The following GTSE1 variants were observed in gnomAD, a reference collection of about 807,000 sequenced individuals.
GTSE1 encodes the protein G2 and S phase-expressed protein 1.
A neutral mutation model predicts 60.5 loss-of-function variants in GTSE1; 52 were observed. The ratio of observed to expected loss-of-function variants is 0.86; its 90% CI spans 0.69 to 1.08. The LOEUF is 1.08. GTSE1 is among the 50% of genes least tolerant of loss of function. The probability of loss-of-function intolerance (pLI) is 0.00; values close to 1 mark genes in which losing one functional copy is unlikely to be tolerated. For missense variants in GTSE1, 937 were observed against 961.8 expected, an observed-to-expected ratio of 0.97 and a Z score of 0.34; for synonymous variants, 368 against 386.5, an observed-to-expected ratio of 0.95 and a Z score of 0.56.
rs773053704 is a variant in GTSE1, at chr22:46,320,684, G to A, written c.1433-2506G>A. ...TTTGTAAAACAGTCCAGTTACAAAT[G>A]TTGCTATTTACTATGAGTCCATGCT... On this transcript the variant is annotated intron_variant, in intron 7 of 11. Coordinates refer to ENST00000454366, the MANE Select transcript of GTSE1 (RefSeq NM_016426.7). The surrounding 1 kb of genome is among the most constrained non-coding windows in gnomAD (Gnocchi z 7.1). Among the ~76,000 whole-genome samples, 2 of 152,228 alleles carry A rather than the reference G, an allele frequency of 1.3e-5. No homozygotes were observed. Among genetic ancestry groups the A allele is most frequent in the African/African-American group, 4.8e-5 (2 of 41,476 alleles).
rs924698902 is a variant in GTSE1 at position 46,313,351 on chromosome 22, T to A, written c.928-539T>A. Among the ~76,000 whole-genome samples, 2 of 152,060 alleles carry A rather than the reference T, an allele frequency of 1.3e-5. No individual in the cohort carries two copies. Among genetic ancestry groups the A allele is most frequent in the African/African-American group, 4.8e-5 (2 of 41,476 alleles). The stretch of plus-strand genomic sequence containing the variant: ...CAGCTGCTGACTCATGGGGTCTGGG[T>A]TGGGGCCCCAAATCTGCATTTCTGC... On this transcript the variant is annotated intron_variant, in intron 5 of 11. Transcript: ENST00000454366. This position sits in a 1 kb window ranked among gnomAD's most constrained non-coding sequence, Gnocchi z 4.4.
chr22:46,298,713 C>A (rs2077672237), intron 2 of GTSE1, among the ~76,000 whole-genome samples: 1 of 152,174 alleles, frequency 6.6e-6, no homozygotes, highest in Non-Finnish European at 1.5e-5. Flanking sequence ...CACCCCTCTC[C>A]TCCTTCCTGT....
Position 46,329,206 on chromosome 22 carries a change from C to T in GTSE1, c.1927-152C>T, listed in dbSNP as rs1325090807. 2.7e-6 allele frequency: 2 copies of T among 735,570 alleles called. No individual in the cohort carries two copies. The highest frequency in any genetic ancestry group is 3.4e-5 in the African/African-American group (2 of 58,118). 45.6% of individuals were successfully genotyped at this position (735,570 alleles called of 1,614,324 possible). On this transcript the variant is annotated intron_variant, in intron 10 of 11. Coordinates refer to ENST00000454366, the MANE Select transcript of GTSE1 (RefSeq NM_016426.7). This position sits in a 1 kb window ranked among gnomAD's most constrained non-coding sequence, Gnocchi z 6.4. The stretch of plus-strand genomic sequence containing the variant: ...CAACAGTCAGAGAGGCACGGCCCAC[C>T]CCATACAGAGCCTCCTTCCACCAAG...
Position 46,313,745 on chromosome 22 carries a change from G to T in GTSE1, c.928-145G>T, listed in dbSNP as rs1056434582. 1.1e-4 allele frequency: 82 copies of T among 742,016 alleles called. No individual in the cohort carries two copies. Among genetic ancestry groups the T allele is most frequent in the Non-Finnish European group, 1.0e-4 (45 of 451,652 alleles). The allele number at this position is 742,016 out of a possible 1,614,324, so 46.0% of individuals were successfully genotyped here. ...GCTGGTCTCAAACTCCTGACCTTGTGATCCTCCGGCCTCAGCCTCCCAAAG... is the reference window on the plus strand; with the variant it reads ...GCTGGTCTCAAACTCCTGACCTTGTTATCCTCCGGCCTCAGCCTCCCAAAG... On this transcript the variant is annotated intron_variant, in intron 5 of 11. Transcript: ENST00000454366. The surrounding 1 kb of genome is among the most constrained non-coding windows in gnomAD (Gnocchi z 4.4).
rs1285998674 is a variant in GTSE1, at chr22:46,314,501, G to GT, written c.1051+488_1051+489insT. On this transcript the variant is annotated intron_variant, in intron 6 of 11. Coordinates refer to ENST00000454366, the MANE Select transcript of GTSE1 (RefSeq NM_016426.7). This position sits in a 1 kb window ranked among gnomAD's most constrained non-coding sequence, Gnocchi z 7.1. The stretch of plus-strand genomic sequence containing the variant: ...AGCCTTCGCCTTTCTGCTCTTCAGA[G>GT]CGAAATCCTCTTCGAGGTGCATTGG... Among the ~76,000 whole-genome samples, 1 of 152,142 alleles carries GT rather than the reference G, an allele frequency of 6.6e-6. No homozygotes were observed. The highest frequency in any genetic ancestry group is 1.5e-5 in the Non-Finnish European group (1 of 68,038).
rs1001418972 is a variant in GTSE1, at chr22:46,304,902, C to G, written c.80-3248C>G. 2.6e-5 allele frequency among the ~76,000 whole-genome samples: 4 copies of G among 152,182 alleles called. No homozygotes were observed. The highest frequency in any genetic ancestry group is 9.7e-5 in the African/African-American group (4 of 41,434). ...GCCGAGACAGGAGGATCCCTCGAGT[C>G]CAGGAGTTCGAGGCTGCAGTGAGCT... On this transcript the variant is annotated intron_variant, in intron 2 of 11. Coordinates refer to ENST00000454366, the MANE Select transcript of GTSE1 (RefSeq NM_016426.7). The surrounding 1 kb of genome is among the most constrained non-coding windows in gnomAD (Gnocchi z 4.4).
Position 46,308,512 on chromosome 22 carries a change from C to T in GTSE1, c.331C>T (p.His111Tyr). 6.2e-7 allele frequency: 1 copy of T among 1,614,204 alleles called. No homozygotes were observed. The highest frequency in any genetic ancestry group is 1.3e-5 in the African/African-American group (1 of 75,060). Residue 111 changes from histidine to tyrosine, a missense_variant, in exon 4 of 12, where the codon CAC becomes TAC. His to Tyr is a moderately conservative substitution (Grantham distance 83, BLOSUM62 2). Coordinates refer to ENST00000454366, the MANE Select transcript of GTSE1 (RefSeq NM_016426.7). ...CAAAGAAGCTCACTTACTGGCTTTA[C>T]ACATTGAGAGCAGCAGCCGGAACCA... ...VYKEAHLLAL[H>Y]IESSSRNQAA...
chr22:46,323,830 G>A (rs1260819818), intron 8 of GTSE1, among the ~76,000 whole-genome samples: 2 of 152,158 alleles, frequency 1.3e-5, no homozygotes, highest in Non-Finnish European at 2.9e-5. Flanking sequence ...TGGGACTACA[G>A]GCACCCGCCA....
rs143234724 is a variant in GTSE1, at chr22:46,321,023, A to G, written c.1433-2167A>G. 5.0e-3 allele frequency among the ~76,000 whole-genome samples: 762 copies of G among 151,682 alleles called. 5 individuals carry two copies. The highest frequency in any genetic ancestry group is 0.018 in the African/African-American group (731 of 41,356). ...AGAGGGAGCCAACACGGGAGGCGGC[A>G]AGGGAGAGGGAGGCGGCGAGGGAGA... On this transcript the variant is annotated intron_variant, in intron 7 of 11. Coordinates refer to ENST00000454366, the MANE Select transcript of GTSE1 (RefSeq NM_016426.7). The surrounding 1 kb of genome is among the most constrained non-coding windows in gnomAD (Gnocchi z 4.0).
At chr22:46,305,750 T>C (rs2077711999) in intron 2 of GTSE1, among the ~76,000 whole-genome samples, 1 of 147,050 alleles carries the variant, frequency 6.8e-6, no homozygotes, top group Non-Finnish European at 1.5e-5. Flanking sequence ...CTACTAAAAA[T>C]ACGAAAATTA....
intron 8 of GTSE1, among the ~76,000 whole-genome samples, chr22:46,323,751 G>A (rs556669519): frequency 8.5e-5 from 13 of 152,120 alleles, no homozygotes; most frequent in East Asian, 3.9e-4. Flanking sequence ...GCAGTGGCAC[G>A]ATCTCGGCTC....
In GTSE1 at chr22:46,312,174, A is replaced by G; in HGVS notation, c.796A>G (p.Thr266Ala). 6.2e-7 allele frequency: 1 copy of G among 1,614,016 alleles called. No homozygotes were observed. Among genetic ancestry groups the G allele is most frequent in the Non-Finnish European group, 8.5e-7 (1 of 1,179,930 alleles). Residue 266 changes from threonine (T) to alanine (A), a missense_variant, in exon 5 of 12, where the codon ACA becomes GCA. Coordinates refer to ENST00000454366, the MANE Select transcript of GTSE1 (RefSeq NM_016426.7). ...KKEIPASPSR[T>A]KIPAEKESHR... ...AGAGATTCCAGCTAGTCCTTCCAGG[A>G]CAAAAATCCCAGCTGAGAAGGAATC...
In GTSE1 at chr22:46,326,482, C is replaced by A; in HGVS notation, c.1552C>A (p.Pro518Thr). ...TPVRRSSGPA[P>T]QSLLSAWRVS... ...GGTTAGACGCTCATCTGGGCCAGCACCACAAAGCCTGCTGAGCGCATGGCG... is the reference window on the plus strand; with the variant it reads ...GGTTAGACGCTCATCTGGGCCAGCAACACAAAGCCTGCTGAGCGCATGGCG... The change falls in exon 9 of 12, where the codon CCA (proline) becomes ACA (threonine). Residue 518 changes from proline to threonine, a missense_variant. By Grantham distance (38) the Pro-to-Thr change is conservative. Coordinates refer to ENST00000454366, the MANE Select transcript of GTSE1 (RefSeq NM_016426.7). 6.2e-7 allele frequency: 1 copy of A among 1,613,652 alleles called. No homozygotes were observed. Among genetic ancestry groups the A allele is most frequent in the Non-Finnish European group, 8.5e-7 (1 of 1,179,582 alleles).
In GTSE1 at chr22:46,317,525, G is replaced by A. The variant is rs1041707993; in HGVS notation, c.1432+1113G>A. ...GTTTCGACTGACTAATTTTGTTTCCGGGTTTTGGCCTCATTTTCCTGCCTC... is the reference window on the plus strand; with the variant it reads ...GTTTCGACTGACTAATTTTGTTTCCAGGTTTTGGCCTCATTTTCCTGCCTC... On this transcript the variant is annotated intron_variant, in intron 7 of 11. Transcript: ENST00000454366. The surrounding 1 kb of genome is among the most constrained non-coding windows in gnomAD (Gnocchi z 5.6). Among the ~76,000 whole-genome samples, 3 of 151,982 alleles carry A rather than the reference G, an allele frequency of 2.0e-5. No homozygotes were observed. The highest frequency in any genetic ancestry group is 4.8e-5 in the African/African-American group (2 of 41,362).
intron 2 of GTSE1, among the ~76,000 whole-genome samples, chr22:46,305,830 C>T (rs1192650849): frequency 3.3e-5 from 5 of 151,684 alleles, no homozygotes; most frequent in African/African-American, 7.3e-5. Flanking sequence ...TCTCTTGAAC[C>T]TGGGAGGCGG....
Position 46,329,669 on chromosome 22 carries a change from G to A in GTSE1, c.2136+102G>A, listed in dbSNP as rs1395727407. The stretch of plus-strand genomic sequence containing the variant: ...CATCGTGGGACCCTTGAGAGTGGCT[G>A]TTGAGTCTTCTCAGCTACACACCTC... On this transcript the variant is annotated intron_variant, in intron 11 of 11. Transcript: ENST00000454366. The surrounding 1 kb of genome is among the most constrained non-coding windows in gnomAD (Gnocchi z 6.4). 4.5e-6 allele frequency: 4 copies of A among 893,290 alleles called. No homozygotes were observed. Among genetic ancestry groups the A allele is most frequent in the African/African-American group, 3.3e-5 (2 of 60,566 alleles). 55.3% of individuals were successfully genotyped at this position (893,290 alleles called of 1,614,324 possible).
rs887852474 is a variant in GTSE1 at position 46,308,370 on chromosome 22, A to C, written c.189A>C (p.Arg63Ser). The change falls in exon 4 of 12, where the codon AGA (arginine) becomes AGC (serine). Residue 63 changes from arginine (R) to serine (S), a missense_variant. Coordinates refer to ENST00000454366, the MANE Select transcript of GTSE1 (RefSeq NM_016426.7). ...VFFGPFGHKE[R>S]CIAASLELNN... is the part of the protein sequence containing the mutation. ...TCGGACCCTTTGGACATAAAGAAAG[A>C]TGTATTGCTGCCAGCTTGGAATTAA... is the stretch of plus-strand genomic sequence containing the variant. The C allele has an allele frequency of 2.5e-6, 4 of 1,613,982 alleles. No individual in the cohort carries two copies. In the African/African-American group the frequency reaches 5.3e-5, roughly 22 times the overall value.
At chr22:46,300,430 C>G (rs2077683145) in intron 2 of GTSE1, among the ~76,000 whole-genome samples, 1 of 152,172 alleles carries the variant, frequency 6.6e-6, no homozygotes, top group Non-Finnish European at 1.5e-5. Context: ...TAATAGTTTC[C>G]TATCCCACTT....
At chr22:46,325,812 T>C (rs931544490) in intron 8 of GTSE1, among the ~76,000 whole-genome samples, 5 of 152,246 alleles carry the variant, frequency 3.3e-5, no homozygotes, top group Admixed American at 2.6e-4. Flanking sequence ...AAATGCCAGT[T>C]GACTCAGCCT....
Sources: allele counts gnomAD v4.1 joint callset (sites outside exome capture counted in the v4.1 genomes callset), GRCh38; gene constraint gnomAD v4.1.1; non-coding constraint Gnocchi (gnomAD v3.1); transcripts MANE v1.5; gene names NCBI Gene and HGNC (gene_info 2026-07-23, HGNC 2026-07-21).